The following MPP7 variants were observed in gnomAD, a reference collection of about 807,000 sequenced individuals.
MPP7 encodes the protein MAGUK p55 scaffold protein 7, also known as MAGUK p55 subfamily member 7.
Under a neutral mutation model 76.5 loss-of-function variants are expected in MPP7, and 60 were observed. The observed-to-expected ratio is 0.78, with a 90% CI of 0.64 to 0.97. The LOEUF (loss-of-function observed/expected upper bound fraction) is 0.97. Among genes scored for constraint, MPP7 ranks in the 50% least tolerant of loss-of-function variants. The pLI, the probability that MPP7 is intolerant of heterozygous loss-of-function variation, is 0.00. For missense variants in MPP7, 641 were observed against 694.0 expected (o/e 0.92, Z 0.86); for synonymous variants, 237 against 244.5 (o/e 0.97, Z 0.29).
chr10:28,226,668 TTAAAAATG>T (rs1838702080), intron 2 of MPP7, among the ~76,000 whole-genome samples: 2 of 104,474 alleles, frequency 1.9e-5, no homozygotes, highest in African/African-American at 4.5e-5. Context: ...AATTTTATAC[TTAAAAATG>T]GTAAAAATGG....
intron 1 of MPP7, among the ~76,000 whole-genome samples, chr10:28,241,087 T>G (rs1239837853): frequency 6.6e-6 from 1 of 152,154 alleles, no homozygotes; most frequent in South Asian, 2.1e-4. Context: ...TTAAAGAACT[T>G]ACAATGTTTC....
intron 1 of MPP7, among the ~76,000 whole-genome samples, chr10:28,262,741 G>A (rs922659970): frequency 3.2e-4 from 49 of 152,136 alleles, no homozygotes. Context: ...TGAGTGGCTT[G>A]AGGAGACTAA....
At chr10:28,188,071 G>A (rs879572614) in intron 3 of MPP7, among the ~76,000 whole-genome samples, 2 of 152,120 alleles carry the variant, frequency 1.3e-5, no homozygotes, top group Non-Finnish European at 1.5e-5. Context: ...GATTTATTTA[G>A]ACTCAAGATT....
chr10:28,205,497 G>A (rs1334053541), intron 2 of MPP7, among the ~76,000 whole-genome samples: 1 of 152,110 alleles, frequency 6.6e-6, no homozygotes, highest in East Asian at 1.9e-4. Context: ...GGCAAGAACT[G>A]AGACAATGAG....
At chr10:28,302,375 C>G (rs1463610368) in intron 1 of MPP7, among the ~76,000 whole-genome samples, 1 of 151,332 alleles carries the variant, frequency 6.6e-6, no homozygotes, top group Non-Finnish European at 1.5e-5. Context: ...GTAGATTACA[C>G]GGCCAAACGC....
rs77054439 is a variant in MPP7 at position 28,155,907 on chromosome 10, C to T, written c.157-5848G>A. 3.9e-3 allele frequency among the ~76,000 whole-genome samples: 601 copies of T among 152,266 alleles called. 4 individuals carry two copies. Among genetic ancestry groups the T allele is most frequent in the African/African-American group, 0.014 (575 of 41,560 alleles). On this transcript the variant is annotated intron_variant, in intron 3 of 16. Transcript: ENST00000683449. The stretch of plus-strand genomic sequence containing the variant: ...CTCCTCTCAGCAGCCACCACACTGC[C>T]TCTATCCCCAAATCTGTTGTGAAAT...
chr10:28,091,997 G>T lies in MPP7; in HGVS notation c.953-2156C>A, dbSNP rs553976660. 2.6e-5 allele frequency among the ~76,000 whole-genome samples: 4 copies of T among 152,234 alleles called. No individual in the cohort carries two copies. The South Asian group carries it at 8.3e-4, about 32-fold the overall frequency. ...GGGGTCTTGGAACCAATCTCCCATG[G>T]ATATCATAGGATGACTGCATGAAGG... is the stretch of plus-strand genomic sequence containing the variant. On this transcript the variant is annotated intron_variant, in intron 11 of 16. Transcript: ENST00000683449.
chr10:28,143,233 G>T (rs1835584103), intron 5 of MPP7, among the ~76,000 whole-genome samples: 1 of 152,096 alleles, frequency 6.6e-6, no homozygotes, highest in Admixed American at 6.6e-5. Context: ...TATCCCTAGA[G>T]GTATATGAAC....
chr10:28,164,205 G>C (rs1836366254), intron 3 of MPP7, among the ~76,000 whole-genome samples: 2 of 152,152 alleles, frequency 1.3e-5, no homozygotes, highest in African/African-American at 4.8e-5. Flanking sequence ...AGAACCGACT[G>C]TCTGCAGTTT....
intron 2 of MPP7, among the ~76,000 whole-genome samples, chr10:28,323,879 T>C (rs367934495): frequency 6.4e-4 from 97 of 152,288 alleles, no homozygotes; most frequent in African/African-American, 2.2e-3. Context: ...AATTGGGATG[T>C]GGACATTCAT....
At chr10:28,158,338 A>G (rs1036421092) in intron 3 of MPP7, among the ~76,000 whole-genome samples, 3 of 152,220 alleles carry the variant, frequency 2.0e-5, no homozygotes, top group Non-Finnish European at 2.9e-5. Flanking sequence ...TGTGAAATTT[A>G]TATATGAAAT....
intron 3 of MPP7, among the ~76,000 whole-genome samples, chr10:28,179,951 GA>G (rs1178156825): frequency 6.6e-6 from 1 of 152,100 alleles, no homozygotes; most frequent in Non-Finnish European, 1.5e-5. Context: ...ACTGAACACA[GA>G]AATGAAAACA....
At chr10:28,234,569 A>G (rs1839004304) in intron 2 of MPP7, among the ~76,000 whole-genome samples, 1 of 152,212 alleles carries the variant, frequency 6.6e-6, no homozygotes, top group South Asian at 2.1e-4. Flanking sequence ...ACCAACATTA[A>G]TGTCAACAGT....
At chr10:28,156,615 G>A (rs777946300) in intron 3 of MPP7, among the ~76,000 whole-genome samples, 2 of 152,140 alleles carry the variant, frequency 1.3e-5, no homozygotes, top group African/African-American at 4.8e-5. Context: ...CAGTAACTGT[G>A]ACCACCAGAT....
intron 1 of MPP7, among the ~76,000 whole-genome samples, chr10:28,288,127 T>C (rs1197413898): frequency 2.6e-5 from 4 of 151,892 alleles, no homozygotes; most frequent in African/African-American, 9.7e-5. Flanking sequence ...CCAGACGTTA[T>C]AGAGAACCGC....
At chr10:28,207,040 C>T (rs570702340) in intron 2 of MPP7, among the ~76,000 whole-genome samples, 1 of 152,196 alleles carries the variant, frequency 6.6e-6, no homozygotes, top group South Asian at 2.1e-4. Flanking sequence ...GTGCCTTCTC[C>T]ATTCAACAAA....
intron 2 of MPP7, among the ~76,000 whole-genome samples, chr10:28,233,883 A>C (rs1838978678): frequency 6.6e-6 from 1 of 152,024 alleles, no homozygotes; most frequent in African/African-American, 2.4e-5. Context: ...CAAGAAGAAA[A>C]GAATTGAAAA....
At chr10:28,294,283 G>C (rs1447845957) in intron 1 of MPP7, among the ~76,000 whole-genome samples, 2 of 152,192 alleles carry the variant, frequency 1.3e-5, no homozygotes, top group African/African-American at 4.8e-5. Flanking sequence ...CTCCAGCCTG[G>C]GGGACAGAGC....
At chr10:28,086,296 A>C (rs1306718258) in intron 12 of MPP7, among the ~76,000 whole-genome samples, 1 of 152,180 alleles carries the variant, frequency 6.6e-6, no homozygotes, top group Non-Finnish European at 1.5e-5. Context: ...CCAGAATTTA[A>C]AGGAAAGTAA....
Sources: gnomAD v4.1 joint callset for allele counts (sites outside exome capture counted in the v4.1 genomes callset) on GRCh38, gnomAD v4.1.1 for gene constraint, MANE v1.5 for transcripts, NCBI Gene and HGNC (gene_info 2026-07-23, HGNC 2026-07-21) for gene names.